Variants in ADD1 observed in about 807,000 individuals in gnomAD.
The protein encoded by ADD1 is adducin 1.
ADD1 carries 24 observed loss-of-function variants against 80.5 expected under a neutral mutation model. The observed-to-expected ratio is 0.30, with a 90% CI of 0.22 to 0.42. ADD1 has a LOEUF of 0.42. ADD1 is among the 10% of genes least tolerant of loss of function. The probability of loss-of-function intolerance (pLI) is 1.00; values close to 1 mark genes in which losing one functional copy is unlikely to be tolerated. For synonymous variants in ADD1, 373 were observed against 393.8 expected (o/e 0.95, Z 0.63); for missense variants, 948 against 1,019.0 (o/e 0.93, Z 0.95).
chr4:2,920,813 T>G (rs1182206982), intron 14 of ADD1, among the ~76,000 whole-genome samples: 1 of 152,218 alleles, frequency 6.6e-6, no homozygotes, highest in South Asian at 2.1e-4. Context: ...TGTCTTTTAA[T>G]TGGGGCATTT....
chr4:2,926,024 C>T lies in ADD1; in HGVS notation c.1959C>T (p.Asp653=), dbSNP rs149239903. ...CTTGCTTCTCTGCAGAGAATCTGGA[C>T]GAGGCTAGAGAACAGAAAGAAAAGA... ...RKQKGSEENL[D]EAREQKEKSP... The change falls in exon 15 of 16, where the codon GAC becomes GAT. Residue 653 remains aspartate (D), a synonymous_variant. Transcript: ENST00000683351. The surrounding 1 kb of genome is among the most constrained non-coding windows in gnomAD (Gnocchi z 5.0). 6.7e-5 allele frequency: 108 copies of T among 1,613,838 alleles called. No homozygotes were observed. Among genetic ancestry groups the T allele is most frequent in the Middle Eastern group, 1.6e-4 (1 of 6,082 alleles).
rs1712644829 is a variant in ADD1, at chr4:2,929,471, C to T, written c.*948C>T. The T allele has an allele frequency of 6.6e-6, 1 of 152,316 alleles. No individual in the cohort carries two copies. The highest frequency in any genetic ancestry group is 1.5e-5 in the Non-Finnish European group (1 of 68,118). The allele number at this position is 152,316 out of a possible 1,614,324, so 9.4% of individuals were successfully genotyped here. On this transcript the variant is annotated 3_prime_UTR_variant, in exon 16 of 16. Transcript: ENST00000683351. ...GTAGCCCTGGGGCCCCTCGACATCA[C>T]CGTCATTGATGGAGCCTGAACCGTG...
intron 1 of ADD1, among the ~76,000 whole-genome samples, chr4:2,871,596 A>G (rs1202552427): frequency 6.6e-6 from 1 of 152,182 alleles, no homozygotes; most frequent in African/African-American, 2.4e-5. Context: ...TTCTTCTGAG[A>G]GCAAGAAGAA....
At chr4:2,904,084 A>G (rs969088406) in intron 9 of ADD1, among the ~76,000 whole-genome samples, 2 of 152,252 alleles carry the variant, frequency 1.3e-5, no homozygotes, top group African/African-American at 4.8e-5. Flanking sequence ...GTTGATGAAT[A>G]TAACCTGCAC....
rs190670422 is a variant in ADD1 at position 2,893,313 on chromosome 4, T to C, written c.511-700T>C. 1.1e-3 allele frequency among the ~76,000 whole-genome samples: 170 copies of C among 152,162 alleles called. 1 individual carries two copies. The highest frequency in any genetic ancestry group is 3.7e-3 in the Admixed American group (56 of 15,292). ...AAAAAAGGACATTCTGTTTGACTTT[T>C]TAAAAGTAAGTTTTGGCCAGGCACA... On this transcript the variant is annotated intron_variant, in intron 4 of 15. Coordinates refer to ENST00000683351, the MANE Select transcript of ADD1 (RefSeq NM_001354761.2).
Position 2,857,593 on chromosome 4 carries a change from A to G in ADD1, c.-21+13569A>G, listed in dbSNP as rs190399738. Among the ~76,000 whole-genome samples, 167 of 152,254 alleles carry G rather than the reference A, an allele frequency of 1.1e-3. 1 individual carries two copies. Among genetic ancestry groups the G allele is most frequent in the Admixed American group, 3.6e-3 (55 of 15,292 alleles). On this transcript the variant is annotated intron_variant, in intron 1 of 15. Transcript: ENST00000683351. ...ACTGCACTCCAGCCTGGGTGACAGA[A>G]TGAGACCCTGTCTCAAAAAGAAAAT...
intron 1 of ADD1, among the ~76,000 whole-genome samples, chr4:2,859,223 G>A (rs1728501681): frequency 6.6e-6 from 1 of 152,144 alleles, no homozygotes; most frequent in African/African-American, 2.4e-5. Flanking sequence ...CATTTTCTTG[G>A]AACATTTTAT....
Position 2,908,576 on chromosome 4 carries a change from G to T in ADD1, c.1670G>T (p.Gly557Val). ...TAGPQSQVLC[G>V]VVMDRSLVQD... ...GGCCCTCAGTCCCAGGTTTTGTGTG[G>T]TGTAGTGATGGACAGGAGCCTCGTC... Residue 557 changes from glycine to valine, a missense_variant, in exon 12 of 16, where the codon GGT becomes GTT. Transcript: ENST00000683351. 1.2e-6 allele frequency: 2 copies of T among 1,614,252 alleles called. No individual in the cohort carries two copies. The highest frequency in any genetic ancestry group is 1.1e-5 in the South Asian group (1 of 91,092).
chr4:2,845,428 AAAGTT>A (rs1421760434), intron 1 of ADD1, among the ~76,000 whole-genome samples: 1 of 152,218 alleles, frequency 6.6e-6, no homozygotes, highest in African/African-American at 2.4e-5. Context: ...CTAGAATAGT[AAAGTT>A]GTCTTTTCAG....
intron 1 of ADD1, among the ~76,000 whole-genome samples, chr4:2,866,364 C>T (rs927030919): frequency 2.0e-5 from 3 of 152,186 alleles, no homozygotes; most frequent in East Asian, 1.9e-4. Flanking sequence ...TTAGTACAGA[C>T]GGGGTTTCAC....
chr4:2,913,897 A>C (rs1738500442), intron 13 of ADD1, among the ~76,000 whole-genome samples: 1 of 152,026 alleles, frequency 6.6e-6, no homozygotes, highest in African/African-American at 2.4e-5. Context: ...CTGTCTTAGA[A>C]GTGAGCTCCA....
At chr4:2,898,595 T>A in intron 8 of ADD1, 64 bp downstream of exon 8, 2 of 1,410,150 alleles carry the variant, frequency 1.4e-6, no homozygotes, top group African/African-American at 2.8e-5. Context: ...TCACATAGAT[T>A]TTTTTTTGAT....
intron 8 of ADD1, chr4:2,899,008 C>G (rs1735734366): frequency 2.0e-6 from 1 of 488,154 alleles, no homozygotes. Context: ...AGTCCCAAGT[C>G]CTTTGTAGGA....
chr4:2,865,859 TATA>T (rs1201497212), intron 1 of ADD1, among the ~76,000 whole-genome samples: 2 of 152,138 alleles, frequency 1.3e-5, no homozygotes, highest in Non-Finnish European at 2.9e-5. Context: ...ACAGTAACAG[TATA>T]ATGAGGGAGC....
At chr4:2,925,867 C>T (rs927285561) in intron 14 of ADD1, 147 bp from the exon 15 acceptor site, 3 of 634,824 alleles carry the variant, frequency 4.7e-6, no homozygotes, top group East Asian at 5.6e-5. Context: ...CCTTTATCCT[C>T]TCTTGGAGAG....
intron 4 of ADD1, among the ~76,000 whole-genome samples, chr4:2,886,786 G>T (rs2108962705): frequency 6.6e-6 from 1 of 152,332 alleles, no homozygotes; most frequent in African/African-American, 2.4e-5. Context: ...ACAAATGCCA[G>T]CTCCCTTCCT....
At chr4:2,872,217 TGTC>T (rs1469940803) in intron 1 of ADD1, among the ~76,000 whole-genome samples, 1 of 152,234 alleles carries the variant, frequency 6.6e-6, no homozygotes, top group Non-Finnish European at 1.5e-5. Context: ...TGTTTTCTGT[TGTC>T]TGTGTTTATT....
intron 2 of ADD1, among the ~76,000 whole-genome samples, chr4:2,878,326 G>A (rs1055054421): frequency 2.0e-5 from 3 of 152,266 alleles, no homozygotes; most frequent in South Asian, 2.1e-4. Flanking sequence ...CCAAGGTGGC[G>A]TAGTAGAGGT....
In ADD1 at chr4:2,894,042, C is replaced by A. The variant is rs766567789; in HGVS notation, c.540C>A (p.Phe180Leu). ...TTRVNSEQEH[F>L]LIVPFGLLYS... ...GAGTGAACTCCGAGCAGGAACACTT[C>A]CTCATTGTCCCTTTTGGGCTTCTTT... Residue 180 changes from phenylalanine (F) to leucine (L), a missense_variant, in exon 5 of 16, where the codon TTC (phenylalanine) becomes TTA (leucine). Physicochemically the swap from Phe to Leu is conservative, Grantham distance 22. Coordinates refer to ENST00000683351, the MANE Select transcript of ADD1 (RefSeq NM_001354761.2). 5.6e-6 allele frequency: 9 copies of A among 1,614,178 alleles called. No individual in the cohort carries two copies. The highest frequency in any genetic ancestry group is 1.1e-5 in the South Asian group (1 of 91,088).
Sources: allele counts gnomAD v4.1 joint callset (sites outside exome capture counted in the v4.1 genomes callset), GRCh38; gene constraint gnomAD v4.1.1; non-coding constraint Gnocchi (gnomAD v3.1); transcripts MANE v1.5; gene names NCBI Gene and HGNC (gene_info 2026-07-23, HGNC 2026-07-21).